TRPC5: variants seen among roughly 807,000 people sequenced by gnomAD.
TRPC5 encodes the protein short transient receptor potential channel 5.
Under a neutral mutation model 56.5 loss-of-function variants are expected in TRPC5, and 9 were observed. That is an observed-to-expected ratio of 0.16 (90% CI 0.10 to 0.28). The LOEUF is 0.28. Ranked by LOEUF, TRPC5 falls within the 10% of genes least tolerant of loss-of-function variation. The pLI, the probability that TRPC5 is intolerant of heterozygous loss-of-function variation, is 1.00. For missense variants in TRPC5, 469 were observed against 748.9 expected (o/e 0.63, Z 4.36); for synonymous variants, 282 against 278.5 (o/e 1.01, Z -0.13).
intron 7 of TRPC5, among the ~76,000 whole-genome samples, chrX:111,793,316 G>A: frequency 9.0e-6 from 1 of 111,474 alleles, no homozygotes; most frequent in Non-Finnish European, 1.9e-5. Context: ...AAATATCTGA[G>A]ACTGGGTAAT....
intron 3 of TRPC5, among the ~76,000 whole-genome samples, chrX:111,900,058 C>T (rs929934401): frequency 2.7e-5 from 3 of 111,184 alleles, no homozygotes; most frequent in Non-Finnish European, 5.7e-5. Context: ...AGATACTATA[C>T]AACTGAGTGG....
chrX:111,901,815 A>G (rs368370206), intron 3 of TRPC5: 49 of 1,012,009 alleles, frequency 4.8e-5, no homozygotes, highest in African/African-American at 4.6e-4. Flanking sequence ...TAGAGCTTTT[A>G]GTGATATTTT....
chrX:111,890,876 C>T (rs1308287545), intron 3 of TRPC5, among the ~76,000 whole-genome samples: 1 of 111,113 alleles, frequency 9.0e-6, no homozygotes, highest in Non-Finnish European at 1.9e-5. Context: ...CTCCCACCCT[C>T]GACCCTCTGA....
At chrX:111,917,973 A>G (rs5985655) in intron 2 of TRPC5, among the ~76,000 whole-genome samples, 16,546 of 112,000 alleles carry the variant, frequency 0.15, 1,027 homozygotes, top group African/African-American at 0.22. Flanking sequence ...TAATATCCCA[A>G]GCCTCTTTAA....
chrX:111,936,406 T>C (rs1330234069), intron 2 of TRPC5, among the ~76,000 whole-genome samples: 1 of 109,156 alleles, frequency 9.2e-6, no homozygotes, highest in Non-Finnish European at 1.9e-5. Context: ...AGGTTAGTTA[T>C]ATATGTATAC....
At chrX:111,932,356 T>G (rs1926440052) in intron 2 of TRPC5, among the ~76,000 whole-genome samples, 1 of 111,640 alleles carries the variant, frequency 9.0e-6, no homozygotes, top group South Asian at 3.8e-4. Flanking sequence ...TGCATGCAGT[T>G]TTTTAATACA....
At chrX:111,858,596 G>A (rs1923307282) in intron 3 of TRPC5, among the ~76,000 whole-genome samples, 2 of 111,087 alleles carry the variant, frequency 1.8e-5, no homozygotes. Context: ...TTATCTGGGA[G>A]GGAGAGTTGT....
intron 1 of TRPC5, among the ~76,000 whole-genome samples, chrX:112,024,245 C>T (rs1331249368): frequency 1.8e-5 from 2 of 111,728 alleles, no homozygotes; most frequent in Non-Finnish European, 3.8e-5. Flanking sequence ...CTGGGTGTGT[C>T]TGTGAGGGTG....
intron 3 of TRPC5, among the ~76,000 whole-genome samples, chrX:111,909,546 T>C (rs1427316490): frequency 9.1e-6 from 1 of 110,365 alleles, no homozygotes. Context: ...GGTTAAAATG[T>C]GAAATTTTAT....
chrX:111,923,101 G>T (rs1926166634), intron 2 of TRPC5, among the ~76,000 whole-genome samples: 1 of 111,550 alleles, frequency 9.0e-6, no homozygotes, highest in South Asian at 3.8e-4. Flanking sequence ...ACCCCAGGCA[G>T]TTTGGTACCA....
intron 2 of TRPC5, among the ~76,000 whole-genome samples, chrX:111,950,058 C>T (rs778476526): frequency 8.9e-6 from 1 of 111,742 alleles, no homozygotes; most frequent in Admixed American, 9.5e-5. Context: ...GGCGCGGTGG[C>T]TCACGCCTGT....
chrX:112,071,820 CCTGTCCTAACTA>C (rs1314115261), intron 1 of TRPC5, among the ~76,000 whole-genome samples: 2 of 111,845 alleles, frequency 1.8e-5, no homozygotes, highest in Non-Finnish European at 3.8e-5. Context: ...TTTTCTGTCC[CCTGTCCTAACTA>C]CTGCATTGTT....
intron 1 of TRPC5, among the ~76,000 whole-genome samples, chrX:112,041,396 T>C (rs1353581299): frequency 8.9e-6 from 1 of 112,325 alleles, no homozygotes; most frequent in Admixed American, 9.4e-5. Flanking sequence ...ATAACATCCA[T>C]TGAATACTTA....
At chrX:112,040,030 T>C (rs142979793) in intron 1 of TRPC5, among the ~76,000 whole-genome samples, 1 of 112,009 alleles carries the variant, frequency 8.9e-6, no homozygotes, top group Non-Finnish European at 1.9e-5. Flanking sequence ...GGGGACCAGA[T>C]GGCCATTAAT....
intron 3 of TRPC5, among the ~76,000 whole-genome samples, chrX:111,872,351 C>T (rs1923790603): frequency 9.0e-6 from 1 of 111,557 alleles, no homozygotes; most frequent in Non-Finnish European, 1.9e-5. Context: ...TGGTAGTAGG[C>T]GGTAGGGATG....
intron 1 of TRPC5, among the ~76,000 whole-genome samples, chrX:112,080,395 T>TAC (rs201063739): frequency 0.11 from 9,010 of 78,952 alleles, 447 homozygotes; most frequent in East Asian, 0.17. Flanking sequence ...AAAAACTACA[T>TAC]ACACACACAC....
intron 1 of TRPC5, among the ~76,000 whole-genome samples, chrX:112,079,074 A>C (rs1220833533): frequency 8.9e-6 from 1 of 111,915 alleles, no homozygotes. Context: ...TGACTGGGCC[A>C]GATTAGGCCA....
chrX:111,897,234 C>A (rs1190600918), intron 3 of TRPC5, among the ~76,000 whole-genome samples: 1 of 111,333 alleles, frequency 9.0e-6, no homozygotes, highest in Non-Finnish European at 1.9e-5. Flanking sequence ...GGATACTCAA[C>A]CTGTAATATA....
intron 3 of TRPC5, among the ~76,000 whole-genome samples, chrX:111,905,633 G>C (rs111917619): frequency 8.9e-6 from 1 of 111,813 alleles, no homozygotes; most frequent in South Asian, 3.8e-4. Context: ...TGCTGAAGGC[G>C]GCCGGACGCG....
Sources: gnomAD v4.1 joint callset for allele counts (sites outside exome capture counted in the v4.1 genomes callset) on GRCh38, gnomAD v4.1.1 for gene constraint, MANE v1.5 for transcripts, NCBI Gene and HGNC (gene_info 2026-07-23, HGNC 2026-07-21) for gene names.